TNFRSF10D: variants seen among roughly 807,000 people sequenced by gnomAD.
The protein encoded by TNFRSF10D is tumor necrosis factor receptor superfamily member 10D.
In TNFRSF10D, 28 loss-of-function variants were observed where a neutral mutation model predicts 42.1. That is an observed-to-expected ratio of 0.66 (90% CI 0.49 to 0.91). The LOEUF is 0.91. Among genes scored for constraint, TNFRSF10D ranks in the 40% least tolerant of loss-of-function variants. TNFRSF10D has a pLI of 0.00. For synonymous variants in TNFRSF10D, 186 were observed against 189.4 expected (o/e 0.98, Z 0.15); for missense variants, 503 against 486.1 (o/e 1.03, Z -0.33).
At chr8:23,138,656 G>A (rs192998385) in intron 7 of TNFRSF10D, among the ~76,000 whole-genome samples, 916 of 151,862 alleles carry the variant, frequency 6.0e-3, no homozygotes, top group African/African-American at 0.019. Flanking sequence ...ATATATGAGA[G>A]CACCCAGGAA....
intron 1 of TNFRSF10D, among the ~76,000 whole-genome samples, chr8:23,158,078 A>G (rs191776583): frequency 6.6e-6 from 1 of 152,350 alleles, no homozygotes; most frequent in African/African-American, 2.4e-5. Context: ...CCGGCTGTGC[A>G]CTGTTTCTCA....
chr8:23,163,412 G>A (rs1381197044), intron 1 of TNFRSF10D, among the ~76,000 whole-genome samples: 1 of 148,022 alleles, frequency 6.8e-6, no homozygotes, highest in Non-Finnish European at 1.5e-5. Flanking sequence ...CTGGGTTAAC[G>A]TTATGAACGA....
intron 3 of TNFRSF10D, among the ~76,000 whole-genome samples, chr8:23,147,960 G>A (rs1800147611): frequency 6.6e-6 from 1 of 151,372 alleles, no homozygotes; most frequent in African/African-American, 2.4e-5. Context: ...AGCTACTCAG[G>A]AGGCTGAGGC....
intron 2 of TNFRSF10D, among the ~76,000 whole-genome samples, chr8:23,153,408 G>A (rs1355303001): frequency 5.6e-3 from 853 of 151,988 alleles, no homozygotes; most frequent in African/African-American, 0.018. Flanking sequence ...CACAACAAAG[G>A]AAACAATGAA....
intron 1 of TNFRSF10D, among the ~76,000 whole-genome samples, chr8:23,155,915 A>G (rs1800273139): frequency 1.3e-5 from 2 of 152,166 alleles, no homozygotes; most frequent in African/African-American, 4.8e-5. Flanking sequence ...GAAAGTCAGG[A>G]TATAGCATCA....
Position 23,144,969 on chromosome 8 carries a change from C to G in TNFRSF10D, c.768+89G>C, listed in dbSNP as rs1270840335. The G allele has an allele frequency of 2.5e-6, 4 of 1,584,262 alleles. No homozygotes were observed. The African/African-American group carries it at 5.4e-5, about 21-fold the overall frequency. On this transcript the variant is annotated intron_variant, in intron 6 of 8. Transcript: ENST00000312584. ...CAGAGAGTCAGGGCAGCCATGAGGACAAGGGATTGTGCCCACCCAGGCTCG... is the reference window on the plus strand; with the variant it reads ...CAGAGAGTCAGGGCAGCCATGAGGAGAAGGGATTGTGCCCACCCAGGCTCG...
At chr8:23,138,971 T>G (rs145187073) in intron 7 of TNFRSF10D, among the ~76,000 whole-genome samples, 754 of 151,862 alleles carry the variant, frequency 5.0e-3, no homozygotes, top group African/African-American at 0.016. Context: ...AGCTGAATAT[T>G]GTTCTGAAAG....
At position 23,163,957 on chromosome 8, in the gene TNFRSF10D, G is replaced by A. The variant is rs1218189043; in HGVS notation, c.-22C>T. 742 of 1,533,082 alleles carry A rather than the reference G, an allele frequency of 4.8e-4. No individual in the cohort carries two copies. In the African/African-American group the frequency reaches 8.9e-3, roughly 18 times the overall value. The allele number at this position is 1,533,082 out of a possible 1,614,324, so 95.0% of individuals were successfully genotyped here. On this transcript the variant is annotated 5_prime_UTR_variant, in exon 1 of 9. Coordinates refer to ENST00000312584, the MANE Select transcript of TNFRSF10D (RefSeq NM_003840.5). Reference sequence around the variant, plus strand: ...CCATGAGAAGGGAGGAGGGTGGATCGAAAGCGCCAAAAATCAATCAGAAAT... The same window carrying A: ...CCATGAGAAGGGAGGAGGGTGGATCAAAAGCGCCAAAAATCAATCAGAAAT...
At chr8:23,163,227 C>G (rs937981266) in intron 1 of TNFRSF10D, among the ~76,000 whole-genome samples, 1 of 151,636 alleles carries the variant, frequency 6.6e-6, no homozygotes, top group South Asian at 2.1e-4. Flanking sequence ...CTCAGCCTCC[C>G]GAGTAGCTGG....
In TNFRSF10D at chr8:23,151,651, A is replaced by T. The variant is rs1585262829; in HGVS notation, c.257-3100T>A. Among the ~76,000 whole-genome samples, 4 of 152,250 alleles carry T rather than the reference A, an allele frequency of 2.6e-5. No homozygotes were observed. The East Asian group carries it at 7.7e-4, about 29-fold the overall frequency. On this transcript the variant is annotated intron_variant, in intron 2 of 8. Coordinates refer to ENST00000312584, the MANE Select transcript of TNFRSF10D (RefSeq NM_003840.5). Reference sequence around the variant, plus strand: ...AAGACGTAAATAATGACAAAACATAAAATAAGGCAGGAGAAGAAAAGGTGT... The same window carrying T: ...AAGACGTAAATAATGACAAAACATATAATAAGGCAGGAGAAGAAAAGGTGT...
chr8:23,163,753 C>A lies in TNFRSF10D; in HGVS notation c.150+33G>T, dbSNP rs377291517. On this transcript the variant is annotated intron_variant, in intron 1 of 8. Coordinates refer to ENST00000312584, the MANE Select transcript of TNFRSF10D (RefSeq NM_003840.5). ...GCCCACTCCCGGCGCCAGGTGCGCT[C>A]TTCCCCAGCCAGGGACCGCGGCGGA... 1.5e-4 allele frequency: 244 copies of A among 1,601,862 alleles called. No homozygotes were observed. The African/African-American group carries it at 2.8e-3, about 18-fold the overall frequency.
At chr8:23,142,712 G>A (rs1232802088) in intron 7 of TNFRSF10D, among the ~76,000 whole-genome samples, 1 of 151,788 alleles carries the variant, frequency 6.6e-6, no homozygotes, top group Non-Finnish European at 1.5e-5. Context: ...ACTTACATAT[G>A]TACCCCCTGA....
At position 23,137,894 on chromosome 8, in the gene TNFRSF10D, T is replaced by C. The variant is rs780937777; in HGVS notation, c.1137A>G (p.Ala379=). The change falls in exon 9 of 9, where the codon GCA becomes GCG. Residue 379 remains alanine, a synonymous_variant. Coordinates refer to ENST00000312584, the MANE Select transcript of TNFRSF10D (RefSeq NM_003840.5). ...SEKLFYEEDE[A]GSATSCL The stretch of plus-strand genomic sequence containing the variant: ...TTCACAGGCAGGACGTAGCAGAGCC[T>C]GCCTCATCTTCTTCATAAAAGAGCT... 3 of 1,614,014 alleles carry C rather than the reference T, an allele frequency of 1.9e-6. No individual in the cohort carries two copies. The highest frequency in any genetic ancestry group is 2.5e-6 in the Non-Finnish European group (3 of 1,180,026).
chr8:23,156,898 C>T (rs1800288925), intron 1 of TNFRSF10D, among the ~76,000 whole-genome samples: 1 of 152,142 alleles, frequency 6.6e-6, no homozygotes, highest in African/African-American at 2.4e-5. Context: ...GGTTTCTATT[C>T]TATTTCCTTG....
rs1331160112 is a variant in TNFRSF10D, at chr8:23,163,895, G to A, written c.41C>T (p.Ala14Val). 492 of 1,591,538 alleles carry A rather than the reference G, an allele frequency of 3.1e-4. No individual in the cohort carries two copies. In the African/African-American group the frequency reaches 5.4e-3, roughly 17 times the overall value. Residue 14 changes from alanine to valine, a missense_variant, in exon 1 of 9, where the codon GCT becomes GTT. By Grantham distance (64) the Ala-to-Val change is moderately conservative (BLOSUM62 0). Coordinates refer to ENST00000312584, the MANE Select transcript of TNFRSF10D (RefSeq NM_003840.5). Reference sequence around the variant, plus strand: ...GGCTCCTGGATAGCGCCCTGCTCGAGCGCTCGAGGCGGTCGGGACGCTTTG... The same window carrying A: ...GGCTCCTGGATAGCGCCCTGCTCGAACGCTCGAGGCGGTCGGGACGCTTTG... ...WGQSVPTASSARAGRYPGART... is the reference protein window; with the variant it reads ...WGQSVPTASSVRAGRYPGART...
chr8:23,155,032 C>G (rs1471910212), intron 1 of TNFRSF10D, 53 bp from the exon 2 acceptor site: 1 of 1,383,206 alleles, frequency 7.2e-7, no homozygotes, highest in Non-Finnish European at 9.8e-7. Flanking sequence ...CTTACCTCTC[C>G]CAGGCTCCGT....
intron 1 of TNFRSF10D, among the ~76,000 whole-genome samples, chr8:23,162,058 C>T (rs1242239605): frequency 6.6e-6 from 1 of 151,780 alleles, no homozygotes; most frequent in African/African-American, 2.4e-5. Flanking sequence ...GTGAATTAAC[C>T]TGTGGCTTAC....
rs1017145984 is a variant in TNFRSF10D at position 23,145,234 on chromosome 8, T to C, written c.737-145A>G. On this transcript the variant is annotated intron_variant, in intron 5 of 8. Transcript: ENST00000312584. ...CTGGGGACAGAATGGGGCCTTGCAA[T>C]TAGGGGACACCCTGAGGAAGGGGGA... 1.0e-5 allele frequency: 10 copies of C among 956,080 alleles called. 1 individual carries two copies. In the African/African-American group the frequency reaches 1.3e-4, roughly 13 times the overall value. 59.2% of individuals were successfully genotyped at this position (956,080 alleles called of 1,614,324 possible).
intron 1 of TNFRSF10D, among the ~76,000 whole-genome samples, chr8:23,162,767 G>A (rs1800389712): frequency 6.6e-6 from 1 of 152,192 alleles, no homozygotes; most frequent in South Asian, 2.1e-4. Flanking sequence ...CTGACTGCAA[G>A]CACCTTGGTT....
Sources: gnomAD v4.1 joint callset for allele counts (sites outside exome capture counted in the v4.1 genomes callset) on GRCh38, gnomAD v4.1.1 for gene constraint, MANE v1.5 for transcripts, NCBI Gene and HGNC (gene_info 2026-07-23, HGNC 2026-07-21) for gene names.